Variants in KLHL31 observed in about 807,000 individuals in gnomAD.
The protein encoded by KLHL31 is kelch-like protein 31.
Under a neutral mutation model 47.1 loss-of-function variants are expected in KLHL31, and 32 were observed. The ratio of observed to expected loss-of-function variants is 0.68; its 90% CI spans 0.51 to 0.91. The LOEUF is 0.91. Ranked by LOEUF, KLHL31 falls within the 40% of genes least tolerant of loss-of-function variation. KLHL31 has a pLI of 0.00. For synonymous variants in KLHL31, 330 were observed against 325.1 expected, an observed-to-expected ratio of 1.01 and a Z score of -0.16; for missense variants, 797 against 819.3, an observed-to-expected ratio of 0.97 and a Z score of 0.33.
In KLHL31 at chr6:53,648,354, G is replaced by A. The variant is rs556339902; in HGVS notation, c.*3244C>T. The A allele has an allele frequency of 2.6e-5, 4 of 152,176 alleles. No homozygotes were observed. Among genetic ancestry groups the A allele is most frequent in the South Asian group, 4.1e-4 (2 of 4,824 alleles). 9.4% of individuals were successfully genotyped at this position (152,176 alleles called of 1,614,324 possible). ...ATTCAGAGATTACATAAATTCATTTGGTTGTAACTAAGGGAAAAAAATTAA... is the reference window on the plus strand; with the variant it reads ...ATTCAGAGATTACATAAATTCATTTAGTTGTAACTAAGGGAAAAAAATTAA... On this transcript the variant is annotated 3_prime_UTR_variant, in exon 3 of 3. Coordinates refer to ENST00000370905, the MANE Select transcript of KLHL31 (RefSeq NM_001003760.5).
chr6:53,652,607 C>A (rs1023680618), intron 2 of KLHL31, among the ~76,000 whole-genome samples: 5 of 152,138 alleles, frequency 3.3e-5, no homozygotes, highest in African/African-American at 1.2e-4. Context: ...GGAGAAGAGC[C>A]CACAGAGACT....
rs188861757 is a variant in KLHL31 at position 53,659,150 on chromosome 6, A to T, written c.-33-3845T>A. 4.0e-4 allele frequency among the ~76,000 whole-genome samples: 61 copies of T among 152,346 alleles called. 1 individual carries two copies. Among genetic ancestry groups the T allele is most frequent in the Non-Finnish European group, 7.4e-5 (5 of 68,022 alleles). ...CTGTTTAAGCTTTAGAATGAAGTGAATCAGAGAAAGCCACCACATCATGGA... is the reference window on the plus strand; with the variant it reads ...CTGTTTAAGCTTTAGAATGAAGTGATTCAGAGAAAGCCACCACATCATGGA... On this transcript the variant is annotated intron_variant, in intron 1 of 2. Coordinates refer to ENST00000370905, the MANE Select transcript of KLHL31 (RefSeq NM_001003760.5).
At chr6:53,660,978 A>G (rs1224755939) in intron 1 of KLHL31, among the ~76,000 whole-genome samples, 2 of 152,128 alleles carry the variant, frequency 1.3e-5, no homozygotes, top group East Asian at 1.9e-4. Flanking sequence ...TACCCACCCA[A>G]GTGTTCTCAG....
intron 1 of KLHL31, among the ~76,000 whole-genome samples, chr6:53,664,075 C>T (rs776500219): frequency 6.6e-6 from 1 of 152,176 alleles, no homozygotes; most frequent in Non-Finnish European, 1.5e-5. Context: ...AGAATCTACT[C>T]ATTATCAGAT....
In KLHL31 at chr6:53,654,723, G is replaced by T; in HGVS notation, c.550C>A (p.Leu184Ile). 1 of 1,614,154 alleles carries T rather than the reference G, an allele frequency of 6.2e-7. No homozygotes were observed. Among genetic ancestry groups the T allele is most frequent in the South Asian group, 1.1e-5 (1 of 91,082 alleles). The change falls in exon 2 of 3, where the codon CTA (leucine) becomes ATA (isoleucine). Residue 184 changes from leucine to isoleucine, a missense_variant. By Grantham distance (5) the Leu-to-Ile change is conservative. Coordinates refer to ENST00000370905, the MANE Select transcript of KLHL31 (RefSeq NM_001003760.5). Reference protein sequence around the residue: ...YVVNIAETYSLKNAKAAAQKF... With the variant: ...YVVNIAETYSIKNAKAAAQKF... Reference sequence around the variant, plus strand: ...TGGGCTGCTGCTTTTGCATTTTTTAGGGAGTATGTTTCAGCAATATTAACA... The same window carrying T: ...TGGGCTGCTGCTTTTGCATTTTTTATGGAGTATGTTTCAGCAATATTAACA...
rs550144056 is a variant in KLHL31 at position 53,649,027 on chromosome 6, T to C, written c.*2571A>G. ...AGTATATGGTTGGGTCCTAAGACTC[T>C]GGAGTAATTGAATGTAAGCTTAAAA... On this transcript the variant is annotated 3_prime_UTR_variant, in exon 3 of 3. Coordinates refer to ENST00000370905, the MANE Select transcript of KLHL31 (RefSeq NM_001003760.5). 5 of 152,280 alleles carry C rather than the reference T, an allele frequency of 3.3e-5. No individual in the cohort carries two copies. Among genetic ancestry groups the C allele is most frequent in the Admixed American group, 1.3e-4 (2 of 15,302 alleles). The allele number at this position is 152,280 out of a possible 1,614,324, so 9.4% of individuals were successfully genotyped here. A position where few individuals can be genotyped will look rare whatever the true frequency, so the allele number is the denominator to read the frequency against.
rs369107849 is a variant in KLHL31 at position 53,654,655 on chromosome 6, A to G, written c.618T>C (p.Asp206=). The G allele has an allele frequency of 1.4e-5, 22 of 1,614,080 alleles. No homozygotes were observed. Among genetic ancestry groups the G allele is most frequent in the South Asian group, 9.9e-5 (9 of 91,076 alleles). Residue 206 remains aspartate, a synonymous_variant, in exon 2 of 3, where the codon GAT becomes GAC. Transcript: ENST00000370905. The part of the protein sequence containing the change: ...RDNFLEFAES[D]QFMKLTFEQI... Reference sequence around the variant, plus strand: ...GTTCAAATGTAAGTTTCATAAACTGATCCGATTCTGCAAATTCAAGGAAGT... The same window carrying G: ...GTTCAAATGTAAGTTTCATAAACTGGTCCGATTCTGCAAATTCAAGGAAGT...
chr6:53,659,552 G>T (rs1371706932), intron 1 of KLHL31, among the ~76,000 whole-genome samples: 1 of 152,078 alleles, frequency 6.6e-6, no homozygotes, highest in African/African-American at 2.4e-5. Flanking sequence ...GTTGGGTCTT[G>T]GTAACTGAAG....
intron 1 of KLHL31, among the ~76,000 whole-genome samples, chr6:53,661,692 A>T (rs1764647997): frequency 6.6e-6 from 1 of 152,188 alleles, no homozygotes; most frequent in Non-Finnish European, 1.5e-5. Flanking sequence ...ACATATTAAC[A>T]TGTAGTCAGA....
rs376786544 is a variant in KLHL31 at position 53,654,638 on chromosome 6, G to A, written c.635C>T (p.Thr212Ile). 4.3e-6 allele frequency: 7 copies of A among 1,614,026 alleles called. No individual in the cohort carries two copies. Among genetic ancestry groups the A allele is most frequent in the Non-Finnish European group, 5.9e-6 (7 of 1,180,022 alleles). Reference protein sequence around the residue: ...FAESDQFMKLTFEQINELLID... With the variant: ...FAESDQFMKLIFEQINELLID... ...AAGAAGTTCATTAATTTGTTCAAAT[G>A]TAAGTTTCATAAACTGATCCGATTC... is the stretch of plus-strand genomic sequence containing the variant. Residue 212 changes from threonine to isoleucine, a missense_variant, in exon 2 of 3, where the codon ACA becomes ATA. By Grantham distance (89) the Thr-to-Ile change is moderately conservative. Coordinates refer to ENST00000370905, the MANE Select transcript of KLHL31 (RefSeq NM_001003760.5).
At chr6:53,657,140 T>G (rs1764573372) in intron 1 of KLHL31, among the ~76,000 whole-genome samples, 1 of 152,034 alleles carries the variant, frequency 6.6e-6, no homozygotes, top group South Asian at 2.1e-4. Context: ...GGTTTCACCA[T>G]GTTGCCCAGG....
rs1764514962 is a variant in KLHL31 at position 53,653,978 on chromosome 6, A to G, written c.1172+123T>C. The stretch of plus-strand genomic sequence containing the variant: ...TGCTGAACATACGTAAGGTGGCATT[A>G]TTATTATTTTTGATTTACTAAGCCA... On this transcript the variant is annotated intron_variant, in intron 2 of 2. Transcript: ENST00000370905. 3 of 715,066 alleles carry G rather than the reference A, an allele frequency of 4.2e-6. No individual in the cohort carries two copies. In the African/African-American group the frequency reaches 5.4e-5, roughly 13 times the overall value. The allele number at this position is 715,066 out of a possible 1,614,324, so 44.3% of individuals were successfully genotyped here.
chr6:53,649,290 A>G lies in KLHL31; in HGVS notation c.*2308T>C, dbSNP rs1764434719. The G allele has an allele frequency of 6.6e-6, 1 of 152,208 alleles. No homozygotes were observed. Among genetic ancestry groups the G allele is most frequent in the South Asian group, 2.1e-4 (1 of 4,832 alleles). 9.4% of individuals were successfully genotyped at this position (152,208 alleles called of 1,614,324 possible). On this transcript the variant is annotated 3_prime_UTR_variant, in exon 3 of 3. Coordinates refer to ENST00000370905, the MANE Select transcript of KLHL31 (RefSeq NM_001003760.5). ...AATGTGTTATGTCAGAAATTCTGAC[A>G]TTCCAAATTCATATTGGTCTTTATT...
At chr6:53,665,010 T>C (rs2127371637) in intron 1 of KLHL31, among the ~76,000 whole-genome samples, 1 of 152,270 alleles carries the variant, frequency 6.6e-6, no homozygotes, top group East Asian at 1.9e-4. Context: ...ATGTGCACAT[T>C]TAAGACAAAA....
chr6:53,661,179 T>G (rs1017339546), intron 1 of KLHL31, among the ~76,000 whole-genome samples: 1 of 152,202 alleles, frequency 6.6e-6, no homozygotes, highest in Non-Finnish European at 1.5e-5. Context: ...AAGCCACTGC[T>G]TTTCTCAACT....
At position 53,647,941 on chromosome 6, in the gene KLHL31, T is replaced by C. The variant is rs1289238955; in HGVS notation, c.*3657A>G. ...TAAGGTCTTATTGAATGCAGCTTTA[T>C]TGATAGTGATGAGATTACAAAATAA... On this transcript the variant is annotated 3_prime_UTR_variant, in exon 3 of 3. Coordinates refer to ENST00000370905, the MANE Select transcript of KLHL31 (RefSeq NM_001003760.5). 6.5e-6 allele frequency: 1 copy of C among 152,674 alleles called. No individual in the cohort carries two copies. Among genetic ancestry groups the C allele is most frequent in the Non-Finnish European group, 1.5e-5 (1 of 68,040 alleles). 9.5% of individuals were successfully genotyped at this position (152,674 alleles called of 1,614,324 possible). A position where few individuals can be genotyped will look rare whatever the true frequency, so the allele number is the denominator to read the frequency against.
intron 1 of KLHL31, among the ~76,000 whole-genome samples, chr6:53,659,624 A>G (rs1465756823): frequency 6.6e-6 from 1 of 152,200 alleles, no homozygotes. Context: ...AAATGTTTCA[A>G]GTTGAAGCAA....
rs1227078726 is a variant in KLHL31 at position 53,654,960 on chromosome 6, CT to C, written c.312del (p.Asp105ThrfsTer15). On this transcript the variant is annotated frameshift_variant, in exon 2 of 3. Transcript: ENST00000370905. LOFTEE classifies it high-confidence loss of function. ...AGATCCACCCTCTGAATTGACGGGT[CT>C]TTTTTTAGGATGTTGTAAAAATACT... ...CSEYFYNILK[K>X]DPSIQRVDLN... The C allele has an allele frequency of 3.7e-6, 6 of 1,613,950 alleles. No homozygotes were observed. The highest frequency in any genetic ancestry group is 2.2e-5 in the South Asian group (2 of 91,088).
intron 1 of KLHL31, among the ~76,000 whole-genome samples, chr6:53,659,134 C>T (rs1426336052): frequency 3.3e-5 from 5 of 152,156 alleles, no homozygotes; most frequent in Non-Finnish European, 5.9e-5. Flanking sequence ...CCTGTTTAAG[C>T]TTTAGAATGA....
Sources: allele counts gnomAD v4.1 joint callset (sites outside exome capture counted in the v4.1 genomes callset), GRCh38; gene constraint gnomAD v4.1.1; transcripts MANE v1.5; gene names NCBI Gene and HGNC (gene_info 2026-07-23, HGNC 2026-07-21).